Variants in RLF observed in about 807,000 individuals in gnomAD.
RLF encodes RLF zinc finger.
RLF carries 7 observed loss-of-function variants against 162.9 expected under a neutral mutation model. That is an observed-to-expected ratio of 0.04 (90% CI 0.02 to 0.08). RLF has a LOEUF of 0.08. Among genes scored for constraint, RLF ranks in the 10% least tolerant of loss-of-function variants. RLF has a pLI of 1.00. For synonymous variants in RLF, 782 were observed against 791.5 expected (o/e 0.99, Z 0.20); for missense variants, 1,664 against 2,244.7 (o/e 0.74, Z 5.23).
Position 40,161,591 on chromosome 1 carries a change from G to A in RLF, c.192G>A (p.Glu64=), listed in dbSNP as rs2124520029. Residue 64 remains glutamate (E), a synonymous_variant, in exon 1 of 8, where the codon GAG becomes GAA. Coordinates refer to ENST00000372771, the MANE Select transcript of RLF (RefSeq NM_012421.4). This position sits in a 1 kb window ranked among gnomAD's most constrained non-coding sequence, Gnocchi z 4.4. ...TGGAGACAGAGCTGAGGGAGCAAGA[G>A]GTGTCGGAGGTCTCATCTTTGAACT... ...WQLETELREQ[E]VSEVSSLNYC... The A allele has an allele frequency of 6.2e-7, 1 of 1,613,286 alleles. No homozygotes were observed.
At chr1:40,226,464 T>G (rs969261594) in intron 6 of RLF, among the ~76,000 whole-genome samples, 9 of 152,248 alleles carry the variant, frequency 5.9e-5, no homozygotes, top group African/African-American at 2.2e-4. Context: ...TGTAATGTGC[T>G]AAGCTTAAAT....
At chr1:40,205,485 C>CTT (rs36038824) in intron 5 of RLF, among the ~76,000 whole-genome samples, 743 of 106,972 alleles carry the variant, frequency 6.9e-3, no homozygotes, top group East Asian at 0.018. Flanking sequence ...TTCCTTCCTT[C>CTT]TTTTTTTTTT....
At chr1:40,202,330 A>G in intron 4 of RLF, 82 bp from the exon 5 acceptor site, 2 of 866,272 alleles carry the variant, frequency 2.3e-6, no homozygotes, top group Non-Finnish European at 3.5e-6. Flanking sequence ...AATCAAATAA[A>G]AAGATCTCAA....
chr1:40,230,527 G>T (rs1308899927), intron 6 of RLF, among the ~76,000 whole-genome samples: 1 of 152,070 alleles, frequency 6.6e-6, no homozygotes, highest in Admixed American at 6.6e-5. Context: ...CACCTCCCAG[G>T]TTCAAGCGAT....
chr1:40,205,831 C>T (rs1331619008), intron 5 of RLF, among the ~76,000 whole-genome samples: 1 of 152,096 alleles, frequency 6.6e-6, no homozygotes, highest in African/African-American at 2.4e-5. Flanking sequence ...GACCTTTGCC[C>T]CTGGCAGTAT....
intron 4 of RLF, among the ~76,000 whole-genome samples, chr1:40,201,885 G>A (rs1450504485): frequency 1.3e-5 from 2 of 152,092 alleles, no homozygotes; most frequent in Non-Finnish European, 2.9e-5. Context: ...CTTTATTGCA[G>A]GACTGTTCAG....
At chr1:40,183,799 G>A (rs1395590447) in intron 1 of RLF, among the ~76,000 whole-genome samples, 1 of 151,862 alleles carries the variant, frequency 6.6e-6, no homozygotes, top group Admixed American at 6.6e-5. Flanking sequence ...TTTTGAAATG[G>A]GCTGATAATA....
At chr1:40,208,265 C>G (rs1642822513) in intron 5 of RLF, among the ~76,000 whole-genome samples, 1 of 152,138 alleles carries the variant, frequency 6.6e-6, no homozygotes, top group Non-Finnish European at 1.5e-5. Flanking sequence ...CAGTTGGTGG[C>G]TATGAAGTGG....
chr1:40,190,015 C>T (rs1281826086), intron 2 of RLF, among the ~76,000 whole-genome samples: 3 of 152,086 alleles, frequency 2.0e-5, no homozygotes, highest in South Asian at 2.1e-4. Flanking sequence ...TTTCTAGCCT[C>T]ACCTGTTTTC....
chr1:40,221,321 G>GA lies in RLF; in HGVS notation c.811-1243dup, dbSNP rs141901075. ...TTACAGATTTGTCATGTTGAGATAT[G>GA]AAAAAAAAAACAAGATAATACAGTA... is the stretch of plus-strand genomic sequence containing the variant. On this transcript the variant is annotated intron_variant, in intron 5 of 7. Transcript: ENST00000372771. 3.8e-3 allele frequency among the ~76,000 whole-genome samples: 545 copies of GA among 143,824 alleles called. 2 individuals carry two copies. Among genetic ancestry groups the GA allele is most frequent in the African/African-American group, 0.011 (449 of 39,582 alleles). The allele number at this position is 143,824 out of a possible 152,430, so 94.4% of individuals were successfully genotyped here.
intron 5 of RLF, among the ~76,000 whole-genome samples, chr1:40,212,223 G>A (rs1325976264): frequency 6.6e-6 from 1 of 152,166 alleles, no homozygotes; most frequent in African/African-American, 2.4e-5. Flanking sequence ...CGCTGCTGGG[G>A]AAGATTTAGC....
At chr1:40,232,514 T>C (rs1450068829) in intron 7 of RLF, among the ~76,000 whole-genome samples, 1 of 152,180 alleles carries the variant, frequency 6.6e-6, no homozygotes, top group African/African-American at 2.4e-5. Flanking sequence ...GAAAATCCAC[T>C]TCAAAGCTTA....
At chr1:40,169,998 A>C (rs1257271384) in intron 1 of RLF, among the ~76,000 whole-genome samples, 1 of 152,026 alleles carries the variant, frequency 6.6e-6, no homozygotes, top group Non-Finnish European at 1.5e-5. Flanking sequence ...CCATGGGATA[A>C]ACATTTTAAA....
At chr1:40,230,999 C>T (rs772219768) in intron 6 of RLF, among the ~76,000 whole-genome samples, 40 of 152,166 alleles carry the variant, frequency 2.6e-4, no homozygotes, top group Non-Finnish European at 5.1e-4. Flanking sequence ...TTACTTATTT[C>T]ACTGGAAGTA....
chr1:40,161,774 C>T lies in RLF; in HGVS notation c.237+138C>T. On this transcript the variant is annotated intron_variant, in intron 1 of 7. Transcript: ENST00000372771. This position sits in a 1 kb window ranked among gnomAD's most constrained non-coding sequence, Gnocchi z 4.4. ...CGCCGCGCCCCCGGGCCGGGAAGGC[C>T]CAGCTCGGAAGCTCGACCGCTGGCC... 7.8e-7 allele frequency: 1 copy of T among 1,280,138 alleles called. No homozygotes were observed. The allele number at this position is 1,280,138 out of a possible 1,614,324, so 79.3% of individuals were successfully genotyped here. A position where few individuals can be genotyped will look rare whatever the true frequency, so the allele number is the denominator to read the frequency against.
chr1:40,217,632 C>G (rs908910761), intron 5 of RLF, among the ~76,000 whole-genome samples: 1 of 151,908 alleles, frequency 6.6e-6, no homozygotes, highest in African/African-American at 2.4e-5. Flanking sequence ...ATTAGCTGGG[C>G]GCGGGAGCGT....
chr1:40,175,469 T>TG (rs2124527379), intron 1 of RLF, among the ~76,000 whole-genome samples: 1 of 151,960 alleles, frequency 6.6e-6, no homozygotes, highest in African/African-American at 2.4e-5. Flanking sequence ...GCCAGTATGG[T>TG]GAAACCCTGT....
chr1:40,232,832 G>A (rs1643169707), intron 7 of RLF, among the ~76,000 whole-genome samples: 1 of 152,144 alleles, frequency 6.6e-6, no homozygotes, highest in Non-Finnish European at 1.5e-5. Context: ...AGCCTCCAGA[G>A]TAGCTGAGAT....
intron 4 of RLF, 44 bp from the exon 5 acceptor site, chr1:40,202,363 CATGTT>C (rs1290776663): frequency 2.5e-6 from 3 of 1,183,834 alleles, no homozygotes; most frequent in East Asian, 2.6e-5. Flanking sequence ...GCAAGTCTGA[CATGTT>C]ATGTGGTATG....
Sources: allele counts gnomAD v4.1 joint callset (sites outside exome capture counted in the v4.1 genomes callset), GRCh38; gene constraint gnomAD v4.1.1; non-coding constraint Gnocchi (gnomAD v3.1); transcripts MANE v1.5; gene names NCBI Gene and HGNC (gene_info 2026-07-23, HGNC 2026-07-21).